ENTHD1: variants seen among roughly 807,000 people sequenced by gnomAD.
ENTHD1 encodes the protein ENTH domain-containing protein 1.
A neutral mutation model predicts 39.1 loss-of-function variants in ENTHD1; 23 were observed. The ratio of observed to expected loss-of-function variants is 0.59; its 90% CI spans 0.42 to 0.83. ENTHD1 has a LOEUF of 0.83. Among genes scored for constraint, ENTHD1 ranks in the 40% least tolerant of loss-of-function variants. The pLI is 0.00. For synonymous variants in ENTHD1, 230 were observed against 258.2 expected (o/e 0.89, Z 1.05); for missense variants, 624 against 705.4 (o/e 0.88, Z 1.31).
At chr22:39,871,150 A>G (rs1479190395) in intron 2 of ENTHD1, among the ~76,000 whole-genome samples, 2 of 151,646 alleles carry the variant, frequency 1.3e-5, no homozygotes, top group Non-Finnish European at 2.9e-5. Context: ...AACCGGGGCA[A>G]TGGAGTGAGA....
chr22:39,815,190 C>T (rs768496131), intron 5 of ENTHD1, among the ~76,000 whole-genome samples: 2 of 152,194 alleles, frequency 1.3e-5, no homozygotes, highest in South Asian at 2.1e-4. Flanking sequence ...TGCAGGGGCT[C>T]ATGCCTGTAA....
intron 2 of ENTHD1, among the ~76,000 whole-genome samples, chr22:39,872,979 TTTTC>T (rs1299695133): frequency 1.3e-5 from 2 of 151,788 alleles, no homozygotes; most frequent in African/African-American, 4.8e-5. Context: ...GCTAATTTTC[TTTTC>T]TTTCTTTTTC....
intron 1 of ENTHD1, among the ~76,000 whole-genome samples, chr22:39,890,620 T>G (rs1226409841): frequency 3.9e-5 from 6 of 152,190 alleles, no homozygotes; most frequent in Admixed American, 3.9e-4. Flanking sequence ...TAACCTATAT[T>G]TTAAACTTTT....
At chr22:39,791,269 CTA>C (rs1031911023) in intron 5 of ENTHD1, among the ~76,000 whole-genome samples, 7 of 146,586 alleles carry the variant, frequency 4.8e-5, no homozygotes, top group Admixed American at 1.4e-4. Flanking sequence ...ATAGTCTAGA[CTA>C]TATATAGTTT....
At chr22:39,853,732 C>T (rs2066062878) in intron 3 of ENTHD1, among the ~76,000 whole-genome samples, 2 of 152,008 alleles carry the variant, frequency 1.3e-5, no homozygotes, top group South Asian at 4.1e-4. Flanking sequence ...TGCCATCATG[C>T]CTGGCTAATT....
intron 6 of ENTHD1, among the ~76,000 whole-genome samples, chr22:39,749,529 A>G (rs2065132211): frequency 6.6e-6 from 1 of 152,260 alleles, no homozygotes; most frequent in Non-Finnish European, 1.5e-5. Context: ...TCTAGAAATA[A>G]TTAAAAACTC....
intron 1 of ENTHD1, chr22:39,893,420 C>T: frequency 6.6e-6 from 1 of 152,222 alleles, no homozygotes. Flanking sequence ...GCTGGGCGTT[C>T]GGCCACACAG....
chr22:39,832,765 C>A (rs2065879106), intron 4 of ENTHD1, among the ~76,000 whole-genome samples: 2 of 152,152 alleles, frequency 1.3e-5, no homozygotes, highest in African/African-American at 4.8e-5. Flanking sequence ...CCCGGGGAGA[C>A]ACAGAGCTCT....
intron 5 of ENTHD1, among the ~76,000 whole-genome samples, chr22:39,781,066 C>T (rs2065406381): frequency 6.6e-6 from 1 of 151,262 alleles, no homozygotes; most frequent in Non-Finnish European, 1.5e-5. Context: ...TATTAGAGGA[C>T]TTTAATACCC....
At chr22:39,869,637 T>TA (rs75175740) in intron 2 of ENTHD1, among the ~76,000 whole-genome samples, 2,291 of 119,454 alleles carry the variant, frequency 0.019, 25 homozygotes, top group Middle Eastern at 0.026. Flanking sequence ...GTTAAAATTG[T>TA]AAAAAAAAAA....
At chr22:39,756,188 C>T (rs1159061162) in intron 6 of ENTHD1, among the ~76,000 whole-genome samples, 3 of 152,096 alleles carry the variant, frequency 2.0e-5, no homozygotes, top group Non-Finnish European at 4.4e-5. Flanking sequence ...ATGCTCTGAC[C>T]AATTCTGAAA....
At chr22:39,779,272 C>A (rs1013328853) in intron 5 of ENTHD1, among the ~76,000 whole-genome samples, 1 of 151,948 alleles carries the variant, frequency 6.6e-6, no homozygotes, top group African/African-American at 2.4e-5. Flanking sequence ...AACCAGGAGG[C>A]GGAGGTTGCA....
chr22:39,779,435 CT>C (rs1387199620), intron 5 of ENTHD1, among the ~76,000 whole-genome samples: 2 of 151,772 alleles, frequency 1.3e-5, no homozygotes, highest in Non-Finnish European at 2.9e-5. Flanking sequence ...AAAATAACAA[CT>C]GAAATTTTAA....
chr22:39,787,137 A>T (rs2065465283), intron 5 of ENTHD1, among the ~76,000 whole-genome samples: 1 of 152,122 alleles, frequency 6.6e-6, no homozygotes, highest in Admixed American at 6.6e-5. Context: ...GTGACCTTAG[A>T]TTCCTTAGAT....
At chr22:39,890,147 T>A (rs1038978649) in intron 1 of ENTHD1, among the ~76,000 whole-genome samples, 3 of 134,400 alleles carry the variant, frequency 2.2e-5, no homozygotes, top group South Asian at 2.5e-4. Flanking sequence ...AATAAATAAA[T>A]AAAAAAGAAA....
intron 5 of ENTHD1, among the ~76,000 whole-genome samples, chr22:39,776,412 T>C (rs1186811513): frequency 6.6e-6 from 1 of 152,186 alleles, no homozygotes; most frequent in Non-Finnish European, 1.5e-5. Flanking sequence ...AAGAGCTTTG[T>C]TCTCGAGGAT....
intron 3 of ENTHD1, among the ~76,000 whole-genome samples, chr22:39,852,437 A>G (rs979841290): frequency 6.6e-6 from 1 of 152,256 alleles, no homozygotes; most frequent in Admixed American, 6.5e-5. Flanking sequence ...TTTTTACAAG[A>G]GTATAATGGT....
intron 5 of ENTHD1, among the ~76,000 whole-genome samples, chr22:39,789,597 T>C (rs536782510): frequency 6.6e-6 from 1 of 152,346 alleles, no homozygotes; most frequent in East Asian, 1.9e-4. Flanking sequence ...CAGTTTGTCA[T>C]ATTCAGGTAC....
chr22:39,771,095 G>A (rs1262764981), intron 5 of ENTHD1, among the ~76,000 whole-genome samples: 1 of 150,552 alleles, frequency 6.6e-6, no homozygotes, highest in Admixed American at 6.6e-5. Context: ...CTTTTTTTTT[G>A]CCCTTTCAGT....
Sources: allele counts gnomAD v4.1 joint callset (sites outside exome capture counted in the v4.1 genomes callset), GRCh38; gene constraint gnomAD v4.1.1; transcripts MANE v1.5; gene names NCBI Gene and HGNC (gene_info 2026-07-23, HGNC 2026-07-21).